Variants in PIEZO2 observed in about 807,000 individuals in gnomAD.
PIEZO2 encodes piezo-type mechanosensitive ion channel component 2.
In PIEZO2, 172 loss-of-function variants were observed where a neutral mutation model predicts 337.3. The ratio of observed to expected loss-of-function variants is 0.51; its 90% CI spans 0.45 to 0.58. The LOEUF is 0.58. Among genes scored for constraint, PIEZO2 ranks in the 20% least tolerant of loss-of-function variants. The probability of loss-of-function intolerance (pLI) is 0.00; values close to 1 mark genes in which losing one functional copy is unlikely to be tolerated. For missense variants in PIEZO2, 3,028 were observed against 3,391.3 expected (o/e 0.89, Z 2.66); for synonymous variants, 1,251 against 1,228.5 (o/e 1.02, Z -0.38).
At chr18:10,851,625 C>G (rs2041556045) in intron 7 of PIEZO2, among the ~76,000 whole-genome samples, 1 of 151,902 alleles carries the variant, frequency 6.6e-6, no homozygotes, top group Admixed American at 6.6e-5. Context: ...GTTTTGGTGC[C>G]ATGTATGAGC....
rs887694568 is a variant in PIEZO2, at chr18:11,127,716, T to C, written c.64+20809A>G. On this transcript the variant is annotated intron_variant, in intron 1 of 55. Transcript: ENST00000674853. This position sits in a 1 kb window ranked among gnomAD's most constrained non-coding sequence, Gnocchi z 4.5. ...TATATACATATATATGTCATGTATA[T>C]ATATACACACATATATATGTATGTG... is the stretch of plus-strand genomic sequence containing the variant. 2.0e-5 allele frequency among the ~76,000 whole-genome samples: 3 copies of C among 151,546 alleles called. No homozygotes were observed. Among genetic ancestry groups the C allele is most frequent in the Non-Finnish European group, 4.4e-5 (3 of 67,940 alleles).
chr18:10,957,806 A>C (rs1322617970), intron 3 of PIEZO2, among the ~76,000 whole-genome samples: 1 of 152,228 alleles, frequency 6.6e-6, no homozygotes, highest in East Asian at 1.9e-4. Flanking sequence ...TACGGAATTC[A>C]AGCAACTCAG....
At chr18:10,926,222 C>T (rs2145164094) in intron 3 of PIEZO2, among the ~76,000 whole-genome samples, 1 of 152,280 alleles carries the variant, frequency 6.6e-6, no homozygotes, top group Non-Finnish European at 1.5e-5. Context: ...CGGGGGAGAC[C>T]GGGTGTGCTG....
intron 4 of PIEZO2, among the ~76,000 whole-genome samples, chr18:10,908,153 A>G (rs143583099): frequency 6.6e-6 from 1 of 152,366 alleles, no homozygotes; most frequent in African/African-American, 2.4e-5. Context: ...ACAACTGAAC[A>G]ACATCTCAGG....
At chr18:11,133,255 G>A (rs931640520) in intron 1 of PIEZO2, among the ~76,000 whole-genome samples, 2 of 152,122 alleles carry the variant, frequency 1.3e-5, no homozygotes, top group Non-Finnish European at 2.9e-5. Context: ...TTAACTTTAT[G>A]TAATAGTATT....
At position 10,670,276 on chromosome 18, in the gene PIEZO2, T is replaced by A. The variant is rs531118903; in HGVS notation, c.*1251A>T. Reference sequence around the variant, plus strand: ...TTTGCAGGATGTGCTTTATTTTAAGTCAGCCCTGAACCCAAACTACACAGG... The same window carrying A: ...TTTGCAGGATGTGCTTTATTTTAAGACAGCCCTGAACCCAAACTACACAGG... On this transcript the variant is annotated 3_prime_UTR_variant, in exon 56 of 56. Transcript: ENST00000674853. 1 of 152,342 alleles carries A rather than the reference T, an allele frequency of 6.6e-6. No homozygotes were observed. The highest frequency in any genetic ancestry group is 2.4e-5 in the African/African-American group (1 of 41,582). The allele number at this position is 152,342 out of a possible 1,614,324, so 9.4% of individuals were successfully genotyped here.
intron 2 of PIEZO2, among the ~76,000 whole-genome samples, chr18:11,039,432 C>G (rs2584749): frequency 0.47 from 70,947 of 152,034 alleles, 17,740 homozygotes; most frequent in African/African-American, 0.65. Flanking sequence ...CCTGCTTTGG[C>G]GAATGTTTTT....
chr18:11,097,631 T>C lies in PIEZO2; in HGVS notation c.65-31409A>G, dbSNP rs145376007. Among the ~76,000 whole-genome samples the C allele has an allele frequency of 1.5e-3, 235 of 152,354 alleles. No homozygotes were observed. Among genetic ancestry groups the C allele is most frequent in the Middle Eastern group, 6.8e-3 (2 of 294 alleles). On this transcript the variant is annotated intron_variant, in intron 1 of 55. Transcript: ENST00000674853. The surrounding 1 kb of genome is among the most constrained non-coding windows in gnomAD (Gnocchi z 5.0). ...GTTGTCTTCACCTGGATGCTCCCCT[T>C]CACATATTAGTTTCATTTCAAGTCC...
Position 10,742,593 on chromosome 18 carries a change from G to T in PIEZO2, c.4537C>A (p.Gln1513Lys). 6.5e-7 allele frequency: 1 copy of T among 1,537,060 alleles called. No individual in the cohort carries two copies. The highest frequency in any genetic ancestry group is 8.7e-7 in the Non-Finnish European group (1 of 1,146,866). Reference sequence around the variant, plus strand: ...TCCTTACCCTTTTTATATTTCTGTTGCCTGGCCTTGATGCGATCCATCCTA... The same window carrying T: ...TCCTTACCCTTTTTATATTTCTGTTTCCTGGCCTTGATGCGATCCATCCTA... ...KRQMDRIKAR[Q>K]QKYKKGKERM... The change falls in exon 32 of 56, where the codon CAA becomes AAA. Residue 1513 changes from glutamine to lysine, a missense_variant. Physicochemically the swap from Gln to Lys is moderately conservative, Grantham distance 53. Around this residue, in one of 5 missense-constraint regions of PIEZO2, gnomAD observed 1,925 missense variants for 2,051.9 expected, o/e 0.94. Coordinates refer to ENST00000674853, the MANE Select transcript of PIEZO2 (RefSeq NM_001378183.1).
chr18:10,718,639 T>C (rs1254844217), intron 36 of PIEZO2, among the ~76,000 whole-genome samples: 1 of 152,224 alleles, frequency 6.6e-6, no homozygotes, highest in African/African-American at 2.4e-5. Context: ...TTTGTCTGTA[T>C]ATTATCTATA....
In PIEZO2 at chr18:11,128,760, G is replaced by A; in HGVS notation, c.64+19765C>T. ...ACTAAAGTCCTGGCAGGTCCCTAAA[G>A]ATGAGGTTGAAAGTGTGACCCATGA... On this transcript the variant is annotated intron_variant, in intron 1 of 55. Coordinates refer to ENST00000674853, the MANE Select transcript of PIEZO2 (RefSeq NM_001378183.1). This position sits in a 1 kb window ranked among gnomAD's most constrained non-coding sequence, Gnocchi z 4.1. Among the ~76,000 whole-genome samples, 1 of 152,146 alleles carries A rather than the reference G, an allele frequency of 6.6e-6. No homozygotes were observed. The highest frequency in any genetic ancestry group is 2.4e-5 in the African/African-American group (1 of 41,424).
intron 36 of PIEZO2, among the ~76,000 whole-genome samples, chr18:10,729,642 A>G (rs1055149980): frequency 6.8e-6 from 1 of 147,598 alleles, no homozygotes; most frequent in African/African-American, 2.5e-5. Flanking sequence ...AAAAAAAAGA[A>G]AAGAAACAAA....
intron 2 of PIEZO2, among the ~76,000 whole-genome samples, chr18:10,987,993 C>A (rs12326428): frequency 0.038 from 5,852 of 152,144 alleles, 373 homozygotes; most frequent in African/African-American, 0.13. Flanking sequence ...AGTTGAGATA[C>A]CACCTCTGCT....
At chr18:10,694,501 A>T (rs2034997428) in intron 47 of PIEZO2, among the ~76,000 whole-genome samples, 3 of 152,182 alleles carry the variant, frequency 2.0e-5, no homozygotes, top group Admixed American at 2.0e-4. Context: ...TCTGTTAAGC[A>T]TGAAGATTTT....
chr18:10,809,531 G>A (rs547464348), intron 7 of PIEZO2, among the ~76,000 whole-genome samples: 19 of 151,098 alleles, frequency 1.3e-4, no homozygotes, highest in Non-Finnish European at 2.5e-4. Context: ...GCCTCCCAAA[G>A]TGCTGGGATT....
At chr18:10,702,801 C>T (rs537972399) in intron 42 of PIEZO2, among the ~76,000 whole-genome samples, 23 of 152,312 alleles carry the variant, frequency 1.5e-4, no homozygotes, top group Non-Finnish European at 2.8e-4. Flanking sequence ...TTACTTCAGT[C>T]CTCAGTGCAA....
intron 3 of PIEZO2, among the ~76,000 whole-genome samples, chr18:10,927,689 T>C (rs1173467885): frequency 5.9e-5 from 9 of 152,174 alleles, no homozygotes; most frequent in African/African-American, 2.2e-4. Flanking sequence ...AAATTTGAGG[T>C]ATTTAATCGT....
At chr18:10,963,207 C>A (rs575943372) in intron 3 of PIEZO2, among the ~76,000 whole-genome samples, 1 of 151,970 alleles carries the variant, frequency 6.6e-6, no homozygotes, top group Non-Finnish European at 1.5e-5. Context: ...ATCTCTTGGA[C>A]CTGGGAGGTG....
At chr18:10,706,152 G>A (rs1338000390) in intron 40 of PIEZO2, among the ~76,000 whole-genome samples, 3 of 152,082 alleles carry the variant, frequency 2.0e-5, no homozygotes, top group Non-Finnish European at 4.4e-5. Context: ...TGAAGGTTTT[G>A]ACCAAGAGCT....
Sources: gnomAD v4.1 joint callset for allele counts (sites outside exome capture counted in the v4.1 genomes callset) on GRCh38, gnomAD v4.1.1 for gene constraint, gnomAD v4.1.1 regional missense constraint, Gnocchi (gnomAD v3.1) non-coding constraint, MANE v1.5 for transcripts, NCBI Gene and HGNC (gene_info 2026-07-23, HGNC 2026-07-21) for gene names.